The following PCDH11X variants were observed in gnomAD, a reference collection of about 807,000 sequenced individuals.
The protein encoded by PCDH11X is protocadherin 11 X-linked.
In PCDH11X, 18 loss-of-function variants were observed where a neutral mutation model predicts 53.3. That is an observed-to-expected ratio of 0.34 (90% CI 0.23 to 0.50). PCDH11X has a LOEUF of 0.50. PCDH11X is among the 20% of genes least tolerant of loss of function. PCDH11X has a pLI of 0.98. For missense variants in PCDH11X, 570 were observed against 1,032.4 expected (o/e 0.55, Z 6.14); for synonymous variants, 279 against 393.3 (o/e 0.71, Z 3.44).
At chrX:91,908,417 A>G (rs1941261928) in intron 6 of PCDH11X, among the ~76,000 whole-genome samples, 1 of 112,200 alleles carries the variant, frequency 8.9e-6, no homozygotes, top group Non-Finnish European at 1.9e-5. Context: ...GCCAACAATC[A>G]TTTGAAAAAT....
At chrX:92,407,813 G>A (rs972524484) in intron 9 of PCDH11X, among the ~76,000 whole-genome samples, 1 of 110,857 alleles carries the variant, frequency 9.0e-6, no homozygotes, top group South Asian at 3.8e-4. Flanking sequence ...CACTAAGTGT[G>A]TATGAGGTTA....
At position 92,095,092 on chromosome X, in the gene PCDH11X, C is replaced by T. The variant is rs771767195; in HGVS notation, c.3034-106283C>T. Among the ~76,000 whole-genome samples the T allele has an allele frequency of 8.1e-5, 9 of 110,921 alleles. No homozygotes were observed. The East Asian group carries it at 8.6e-4, about 11-fold the overall frequency. ...AAAATGCAAGTCCAAATCCCAAATCCGAGTCCTCCTATCCCCTAACCCCCA... is the reference window on the plus strand; with the variant it reads ...AAAATGCAAGTCCAAATCCCAAATCTGAGTCCTCCTATCCCCTAACCCCCA... On this transcript the variant is annotated intron_variant, in intron 6 of 10. Coordinates refer to ENST00000682573, the MANE Select transcript of PCDH11X (RefSeq NM_032968.5).
intron 10 of PCDH11X, among the ~76,000 whole-genome samples, chrX:92,588,854 C>T (rs1167561347): frequency 1.6e-4 from 18 of 110,139 alleles, no homozygotes; most frequent in Admixed American, 1.2e-3. Flanking sequence ...ACAAAGAAGA[C>T]GACCTCAAGG....
intron 6 of PCDH11X, among the ~76,000 whole-genome samples, chrX:91,988,757 C>T (rs758307120): frequency 8.9e-6 from 1 of 112,000 alleles, no homozygotes; most frequent in East Asian, 2.8e-4. Context: ...GAACACTAGT[C>T]TTACATACTG....
At chrX:92,096,651 G>A (rs183946600) in intron 6 of PCDH11X, among the ~76,000 whole-genome samples, 1 of 110,779 alleles carries the variant, frequency 9.0e-6, no homozygotes, top group African/African-American at 3.3e-5. Context: ...AGAAAGGCAC[G>A]TCTTACAAGG....
At chrX:92,283,859 C>A (rs913397948) in intron 8 of PCDH11X, among the ~76,000 whole-genome samples, 2 of 111,392 alleles carry the variant, frequency 1.8e-5, no homozygotes, top group African/African-American at 6.5e-5. Flanking sequence ...TGAAGGTAGA[C>A]ATATTTCTCT....
intron 10 of PCDH11X, among the ~76,000 whole-genome samples, chrX:92,492,756 G>T (rs1185347114): frequency 9.2e-6 from 1 of 108,653 alleles, no homozygotes; most frequent in Non-Finnish European, 1.9e-5. Context: ...AGAGATAGGT[G>T]CTTGATGACA....
chrX:92,111,818 C>CG (rs1163029497), intron 6 of PCDH11X, among the ~76,000 whole-genome samples: 2 of 109,761 alleles, frequency 1.8e-5, no homozygotes, highest in African/African-American at 6.6e-5. Flanking sequence ...AGTGCAGTGG[C>CG]CGATCTCGGC....
At chrX:91,871,171 T>C (rs1386037687) in intron 5 of PCDH11X, among the ~76,000 whole-genome samples, 1 of 109,775 alleles carries the variant, frequency 9.1e-6, no homozygotes, top group East Asian at 2.8e-4. Flanking sequence ...TTTATGATAA[T>C]ACTTATTATA....
intron 6 of PCDH11X, among the ~76,000 whole-genome samples, chrX:92,039,745 T>C (rs1290387913): frequency 1.8e-5 from 2 of 111,618 alleles, no homozygotes. Context: ...GTAAGAAAAG[T>C]TCCCTTTGCT....
At chrX:91,790,599 T>A (rs1935499269) in intron 1 of PCDH11X, among the ~76,000 whole-genome samples, 1 of 112,139 alleles carries the variant, frequency 8.9e-6, no homozygotes, top group Admixed American at 9.5e-5. Flanking sequence ...GAGATTATTT[T>A]GTATTTGCTG....
chrX:92,199,349 C>T (rs900935853), intron 6 of PCDH11X, among the ~76,000 whole-genome samples: 1 of 111,969 alleles, frequency 8.9e-6, no homozygotes, highest in African/African-American at 3.2e-5. Context: ...TGGCTTAACT[C>T]TACAAAGACT....
At chrX:92,035,107 C>G (rs2063109197) in intron 6 of PCDH11X, among the ~76,000 whole-genome samples, 1 of 111,180 alleles carries the variant, frequency 9.0e-6, no homozygotes, top group South Asian at 3.7e-4. Context: ...GTTATACTGT[C>G]TTGTAATTAT....
chrX:92,263,233 T>C, intron 8 of PCDH11X, 90 bp downstream of exon 8: 1 of 749,918 alleles, frequency 1.3e-6, no homozygotes, highest in East Asian at 3.7e-5. Flanking sequence ...GAGTTAAAAC[T>C]GTAAGTACTT....
intron 6 of PCDH11X, among the ~76,000 whole-genome samples, chrX:92,190,866 T>C (rs1184976499): frequency 1.8e-5 from 2 of 111,611 alleles, no homozygotes; most frequent in African/African-American, 6.5e-5. Flanking sequence ...TGAAGAACTT[T>C]TCACTCAGTT....
At chrX:92,452,072 G>T (rs1603327152) in intron 9 of PCDH11X, among the ~76,000 whole-genome samples, 1 of 109,277 alleles carries the variant, frequency 9.2e-6, no homozygotes, top group East Asian at 2.9e-4. Flanking sequence ...ATTTGGATAT[G>T]GATAGACAAA....
intron 6 of PCDH11X, among the ~76,000 whole-genome samples, chrX:92,074,570 A>G (rs2148086257): frequency 8.9e-6 from 1 of 111,749 alleles, no homozygotes; most frequent in African/African-American, 3.3e-5. Context: ...TGTTATGTGA[A>G]AAAAAATTTG....
chrX:91,869,243 T>C (rs2563352), intron 5 of PCDH11X, among the ~76,000 whole-genome samples: 12,271 of 109,491 alleles, frequency 0.11, 1,895 homozygotes, highest in African/African-American at 0.39. Flanking sequence ...TTTTGTTTTG[T>C]TTTTGCTCTT....
intron 5 of PCDH11X, among the ~76,000 whole-genome samples, chrX:91,841,365 T>C (rs1454870573): frequency 9.0e-6 from 1 of 111,594 alleles, no homozygotes; most frequent in African/African-American, 3.3e-5. Context: ...CGTAAATAGT[T>C]CAATTCTGGA....
Sources: allele counts gnomAD v4.1 joint callset (sites outside exome capture counted in the v4.1 genomes callset), GRCh38; gene constraint gnomAD v4.1.1; transcripts MANE v1.5; gene names NCBI Gene and HGNC (gene_info 2026-07-23, HGNC 2026-07-21).